Variants in JAZF1 observed in about 807,000 individuals in gnomAD.
The protein encoded by JAZF1 is juxtaposed with another zinc finger protein 1.
JAZF1 carries 8 observed loss-of-function variants against 26.4 expected under a neutral mutation model. That is an observed-to-expected ratio of 0.30 (90% CI 0.18 to 0.55). The LOEUF is 0.55. Among genes scored for constraint, JAZF1 ranks in the 20% least tolerant of loss-of-function variants. The pLI is 0.94. For missense variants in JAZF1, 199 were observed against 322.0 expected, an observed-to-expected ratio of 0.62 and a Z score of 2.92; for synonymous variants, 126 against 122.3, an observed-to-expected ratio of 1.03 and a Z score of -0.20.
chr7:28,179,900 G>T (rs1476246878), intron 1 of JAZF1, among the ~76,000 whole-genome samples: 1 of 146,502 alleles, frequency 6.8e-6, no homozygotes, highest in Non-Finnish European at 1.5e-5. Context: ...TGGCTGCCGC[G>T]GTGGAGCCAC....
At position 28,113,285 on chromosome 7, in the gene JAZF1, G is replaced by C. The variant is rs567706570; in HGVS notation, c.115+67178C>G. Reference sequence around the variant, plus strand: ...TTTTACAAACAGGACCAAGGAGGCAGAGTGAATCCTCATGGGACTAACTAA... The same window carrying C: ...TTTTACAAACAGGACCAAGGAGGCACAGTGAATCCTCATGGGACTAACTAA... On this transcript the variant is annotated intron_variant, in intron 1 of 4. Coordinates refer to ENST00000283928, the MANE Select transcript of JAZF1 (RefSeq NM_175061.4). Among the ~76,000 whole-genome samples the C allele has an allele frequency of 2.6e-5, 4 of 152,302 alleles. No individual in the cohort carries two copies. In the East Asian group the frequency reaches 7.7e-4, roughly 29 times the overall value.
chr7:28,129,506 C>T (rs1782755241), intron 1 of JAZF1, among the ~76,000 whole-genome samples: 2 of 152,100 alleles, frequency 1.3e-5, no homozygotes, highest in South Asian at 4.1e-4. Flanking sequence ...AACTTATCTA[C>T]ATGGTAACTT....
At chr7:28,067,552 G>C (rs1481379484) in intron 1 of JAZF1, among the ~76,000 whole-genome samples, 2 of 152,278 alleles carry the variant, frequency 1.3e-5, no homozygotes, top group East Asian at 3.9e-4. Flanking sequence ...TAGGTAATCT[G>C]ACTTCTGCTG....
At chr7:28,131,814 T>C (rs1273134606) in intron 1 of JAZF1, among the ~76,000 whole-genome samples, 2 of 152,226 alleles carry the variant, frequency 1.3e-5, no homozygotes, top group Non-Finnish European at 2.9e-5. Flanking sequence ...TGGGCATTTG[T>C]TCTCAAAAGT....
intron 1 of JAZF1, among the ~76,000 whole-genome samples, chr7:28,002,848 C>A (rs181427870): frequency 4.9e-4 from 75 of 152,098 alleles, no homozygotes; most frequent in African/African-American, 1.7e-3. Flanking sequence ...TAAGTCTTGG[C>A]CAACAGGATA....
At chr7:28,024,431 A>C (rs1783059421) in intron 1 of JAZF1, among the ~76,000 whole-genome samples, 1 of 152,234 alleles carries the variant, frequency 6.6e-6, no homozygotes, top group South Asian at 2.1e-4. Context: ...GGGTGGAGAA[A>C]GGAGGATTTT....
chr7:27,949,684 AC>A (rs1784976882), intron 2 of JAZF1, among the ~76,000 whole-genome samples: 1 of 152,086 alleles, frequency 6.6e-6, no homozygotes, highest in African/African-American at 2.4e-5. Context: ...AATTGCTTGA[AC>A]CCAGGACAGA....
intron 1 of JAZF1, among the ~76,000 whole-genome samples, chr7:28,013,387 G>A (rs933191106): frequency 6.6e-6 from 1 of 152,074 alleles, no homozygotes; most frequent in African/African-American, 2.4e-5. Flanking sequence ...AAAATAGGAG[G>A]GCCATTCAGG....
At chr7:28,100,495 G>C (rs1017557112) in intron 1 of JAZF1, among the ~76,000 whole-genome samples, 3 of 151,998 alleles carry the variant, frequency 2.0e-5, no homozygotes, top group Non-Finnish European at 4.4e-5. Flanking sequence ...GCAGGAAGAG[G>C]TACTTTCAGA....
chr7:27,932,989 C>T (rs993527924), intron 2 of JAZF1, among the ~76,000 whole-genome samples: 3 of 152,104 alleles, frequency 2.0e-5, no homozygotes, highest in Non-Finnish European at 4.4e-5. Flanking sequence ...GCTGTCATTC[C>T]CTGAGCATAA....
At chr7:28,165,657 C>A (rs1013265545) in intron 1 of JAZF1, among the ~76,000 whole-genome samples, 1 of 152,168 alleles carries the variant, frequency 6.6e-6, no homozygotes, top group African/African-American at 2.4e-5. Context: ...CCCTAGATGC[C>A]CCAATGGCTC....
At chr7:27,937,687 C>T (rs1165662526) in intron 2 of JAZF1, among the ~76,000 whole-genome samples, 1 of 152,116 alleles carries the variant, frequency 6.6e-6, no homozygotes, top group African/African-American at 2.4e-5. Context: ...TGTATAACAA[C>T]AGAATCAATA....
Position 28,070,333 on chromosome 7 carries a change from T to C in JAZF1, c.116-78352A>G, listed in dbSNP as rs148779033. Reference sequence around the variant, plus strand: ...GGTTCTCATCCCTGAAAAAGCCAAATACTTGGAAATAAGAAGTTGAAAACA... The same window carrying C: ...GGTTCTCATCCCTGAAAAAGCCAAACACTTGGAAATAAGAAGTTGAAAACA... On this transcript the variant is annotated intron_variant, in intron 1 of 4. Transcript: ENST00000283928. Among the ~76,000 whole-genome samples, 173 of 152,278 alleles carry C rather than the reference T, an allele frequency of 1.1e-3. 1 individual carries two copies. The highest frequency in any genetic ancestry group is 4.0e-3 in the African/African-American group (167 of 41,554).
At chr7:27,865,817 C>T (rs1783463133) in intron 3 of JAZF1, among the ~76,000 whole-genome samples, 2 of 152,188 alleles carry the variant, frequency 1.3e-5, no homozygotes, top group African/African-American at 4.8e-5. Context: ...GACAGATACA[C>T]AGATTGATGG....
chr7:28,022,823 C>G (rs1233871743), intron 1 of JAZF1, among the ~76,000 whole-genome samples: 6 of 152,178 alleles, frequency 3.9e-5, no homozygotes, highest in Non-Finnish European at 8.8e-5. Context: ...ACGGCATGAT[C>G]TTGGCTCACT....
Position 27,960,821 on chromosome 7 carries a change from C to T in JAZF1, c.188+31088G>A, listed in dbSNP as rs181178248. Among the ~76,000 whole-genome samples the T allele has an allele frequency of 7.9e-5, 12 of 152,180 alleles. 1 individual carries two copies. Among genetic ancestry groups the T allele is most frequent in the Admixed American group, 3.3e-4 (5 of 15,282 alleles). ...GCTGGGAGAAAAGTGCAGGAAGGTA[C>T]GCAGACAAGGAAGGAATGGCAAGGG... is the stretch of plus-strand genomic sequence containing the variant. On this transcript the variant is annotated intron_variant, in intron 2 of 4. Transcript: ENST00000283928.
At chr7:27,835,625 A>T (rs1298611991) in intron 4 of JAZF1, among the ~76,000 whole-genome samples, 1 of 152,186 alleles carries the variant, frequency 6.6e-6, no homozygotes, top group Non-Finnish European at 1.5e-5. Context: ...AAAAATGTTG[A>T]CAAGCGTCAG....
chr7:27,855,437 GT>G (rs1477837506), intron 3 of JAZF1, among the ~76,000 whole-genome samples: 1 of 151,902 alleles, frequency 6.6e-6, no homozygotes, highest in African/African-American at 2.4e-5. Context: ...CCAGGAGCTG[GT>G]TTTTTGAAAA....
At chr7:27,867,066 C>T (rs1196514101) in intron 3 of JAZF1, among the ~76,000 whole-genome samples, 2 of 152,140 alleles carry the variant, frequency 1.3e-5, no homozygotes, top group Non-Finnish European at 2.9e-5. Flanking sequence ...CGGCAGCCCT[C>T]GCCGGAGCTT....
Sources: allele counts gnomAD v4.1 joint callset (sites outside exome capture counted in the v4.1 genomes callset), GRCh38; gene constraint gnomAD v4.1.1; transcripts MANE v1.5; gene names NCBI Gene and HGNC (gene_info 2026-07-23, HGNC 2026-07-21).